Variants in CCDC68 observed in about 807,000 individuals in gnomAD.
The protein encoded by CCDC68 is coiled-coil domain-containing protein 68.
CCDC68 carries 45 observed loss-of-function variants against 47.1 expected under a neutral mutation model. The ratio of observed to expected loss-of-function variants is 0.96; its 90% CI spans 0.75 to 1.23. The LOEUF (loss-of-function observed/expected upper bound fraction) is 1.23, where lower values mean the gene tolerates loss of function less well. Ranked by LOEUF, CCDC68 falls within the 50% of genes most tolerant of loss-of-function variation. The pLI is 0.00. For missense variants in CCDC68, 353 were observed against 373.6 expected (o/e 0.94, Z 0.45); for synonymous variants, 131 against 129.5 (o/e 1.01, Z -0.08).
At chr18:54,955,000 T>A (rs947549827) in intron 1 of CCDC68, among the ~76,000 whole-genome samples, 1 of 149,478 alleles carries the variant, frequency 6.7e-6, no homozygotes, top group Non-Finnish European at 1.5e-5. Context: ...TTAAAAAAAA[T>A]AGTTTGCATT....
chr18:54,940,980 C>T lies in CCDC68; in HGVS notation c.204+17G>A. 1.3e-6 allele frequency: 2 copies of T among 1,561,130 alleles called. No homozygotes were observed. The highest frequency in any genetic ancestry group is 1.8e-6 in the Non-Finnish European group (2 of 1,136,146). On this transcript the variant is annotated intron_variant, in intron 4 of 11. Coordinates refer to ENST00000591504, the MANE Select transcript of CCDC68 (RefSeq NM_025214.3). ...GTCTAAATGGCTTTATGCTAATCTT[C>T]TGCAGGAAATTATTACCTTTGCATC...
intron 1 of CCDC68, among the ~76,000 whole-genome samples, chr18:54,956,539 G>C (rs1315678570): frequency 6.6e-6 from 1 of 152,212 alleles, no homozygotes; most frequent in East Asian, 1.9e-4. Context: ...TGAACAAAAT[G>C]CGGCATAGCC....
chr18:54,907,487 A>T (rs1914078306), intron 11 of CCDC68, among the ~76,000 whole-genome samples: 1 of 152,242 alleles, frequency 6.6e-6, no homozygotes, highest in African/African-American at 2.4e-5. Context: ...GAAAGACAAT[A>T]AAGGAGATGA....
rs1377094576 is a variant in CCDC68, at chr18:54,938,051, G to A, written c.251C>T (p.Ser84Phe). The change falls in exon 5 of 12, where the codon TCT (serine) becomes TTT (phenylalanine). Residue 84 changes from serine to phenylalanine, a missense_variant. By Grantham distance (155) the Ser-to-Phe change is radical. Coordinates refer to ENST00000591504, the MANE Select transcript of CCDC68 (RefSeq NM_025214.3). ...CATAAGCAAATCCAAACTGCAACAA[G>A]AAGGATCCATTTCAGAATCAGAGCC... ...QQGSDSEMDP[S>F]CCSLDLLMKK... The A allele has an allele frequency of 6.2e-7, 1 of 1,613,822 alleles. No individual in the cohort carries two copies. Among genetic ancestry groups the A allele is most frequent in the South Asian group, 1.1e-5 (1 of 91,044 alleles).
At chr18:54,909,376 CTTTCT>C (rs1438171323) in intron 10 of CCDC68, among the ~76,000 whole-genome samples, 4 of 99,556 alleles carry the variant, frequency 4.0e-5, no homozygotes, top group African/African-American at 1.5e-4. Flanking sequence ...AAGGTATTTT[CTTTCT>C]TTTTTTTTTT....
chr18:54,930,653 C>CCTT (rs2044233792), intron 7 of CCDC68, among the ~76,000 whole-genome samples: 1 of 18,318 alleles, frequency 5.5e-5, no homozygotes, highest in African/African-American at 1.7e-4. Context: ...CTCCCTCCCT[C>CCTT]CCTTCCTTCC....
chr18:54,930,937 C>T (rs890783989), intron 7 of CCDC68, among the ~76,000 whole-genome samples: 2 of 151,316 alleles, frequency 1.3e-5, no homozygotes, highest in Non-Finnish European at 1.5e-5. Context: ...AGGCTGGTCT[C>T]GAACTCCTGA....
At chr18:54,932,488 G>A (rs775146275) in intron 7 of CCDC68, among the ~76,000 whole-genome samples, 1 of 151,984 alleles carries the variant, frequency 6.6e-6, no homozygotes, top group Admixed American at 6.6e-5. Flanking sequence ...ACCACACCTG[G>A]CCTAAATCAT....
chr18:54,938,145 C>A, intron 4 of CCDC68, 48 bp from the exon 5 acceptor site: 1 of 1,553,752 alleles, frequency 6.4e-7, no homozygotes, highest in Admixed American at 2.0e-5. Flanking sequence ...TTTTCCTCTA[C>A]AAACTTTGAC....
chr18:54,932,040 C>T (rs887131958), intron 7 of CCDC68, among the ~76,000 whole-genome samples: 6 of 152,300 alleles, frequency 3.9e-5, no homozygotes, highest in Non-Finnish European at 8.8e-5. Context: ...CCTCCCCTTA[C>T]TCTGGCTTGC....
intron 11 of CCDC68, among the ~76,000 whole-genome samples, chr18:54,905,995 A>T (rs1043187348): frequency 2.0e-5 from 3 of 152,210 alleles, no homozygotes; most frequent in Admixed American, 6.5e-5. Context: ...TCACCCCCAG[A>T]TGGGACTGGC....
chr18:54,939,710 A>G (rs1164918294), intron 4 of CCDC68, among the ~76,000 whole-genome samples: 2 of 152,144 alleles, frequency 1.3e-5, no homozygotes, highest in African/African-American at 4.8e-5. Flanking sequence ...GCCCATGGAC[A>G]TTATTTGACA....
chr18:54,911,452 GAAT>G (rs1189095727), intron 10 of CCDC68, among the ~76,000 whole-genome samples: 1 of 152,162 alleles, frequency 6.6e-6, no homozygotes, highest in African/African-American at 2.4e-5. Flanking sequence ...CATTTATCAT[GAAT>G]AATAACTCAA....
At chr18:54,946,061 T>C (rs892159170) in intron 1 of CCDC68, among the ~76,000 whole-genome samples, 3 of 152,190 alleles carry the variant, frequency 2.0e-5, no homozygotes, top group Non-Finnish European at 4.4e-5. Context: ...TAACATTTCA[T>C]GGCACATGAA....
chr18:54,921,466 A>T (rs1365625843), intron 8 of CCDC68, among the ~76,000 whole-genome samples: 5 of 152,220 alleles, frequency 3.3e-5, no homozygotes, highest in Admixed American at 2.6e-4. Flanking sequence ...ATCTTCCAGG[A>T]CTCTAGAAAG....
chr18:54,907,076 G>A (rs532826828), intron 11 of CCDC68, among the ~76,000 whole-genome samples: 4 of 152,256 alleles, frequency 2.6e-5, no homozygotes, highest in Non-Finnish European at 5.9e-5. Flanking sequence ...GCTAGAAGAC[G>A]AAGTTTTTAA....
At chr18:54,959,142 G>A (rs72930979) in intron 1 of CCDC68, 194 bp downstream of exon 1, 26,953 of 152,232 alleles carry the variant, frequency 0.18, 2,617 homozygotes, top group East Asian at 0.3. Flanking sequence ...TTCTCGCCCA[G>A]GAAATTCGAG....
intron 10 of CCDC68, among the ~76,000 whole-genome samples, chr18:54,916,911 T>C (rs2145412309): frequency 6.6e-6 from 1 of 152,288 alleles, no homozygotes; most frequent in African/African-American, 2.4e-5. Context: ...GATCTAATGG[T>C]TTTATAAGCA....
rs144774096 is a variant in CCDC68 at position 54,914,615 on chromosome 18, G to A, written c.873+3298C>T. Among the ~76,000 whole-genome samples, 968 of 151,952 alleles carry A rather than the reference G, an allele frequency of 6.4e-3. 5 individuals carry two copies. Among genetic ancestry groups the A allele is most frequent in the Non-Finnish European group, 9.9e-3 (670 of 67,990 alleles). ...CACTCCAGCCTGGGTGACAAAGTGA[G>A]ACTCCATCTCAAAAAAAGAAAAAAG... On this transcript the variant is annotated intron_variant, in intron 10 of 11. Transcript: ENST00000591504.
Sources: allele counts gnomAD v4.1 joint callset (sites outside exome capture counted in the v4.1 genomes callset), GRCh38; gene constraint gnomAD v4.1.1; transcripts MANE v1.5; gene names NCBI Gene and HGNC (gene_info 2026-07-23, HGNC 2026-07-21).